The following MAGI3 variants were observed in gnomAD, a reference collection of about 807,000 sequenced individuals.
MAGI3 encodes the protein membrane-associated guanylate kinase, WW and PDZ domain-containing protein 3.
MAGI3 carries 43 observed loss-of-function variants against 121.8 expected under a neutral mutation model. The observed-to-expected ratio is 0.35, with a 90% CI of 0.28 to 0.46. MAGI3 has a LOEUF of 0.46. MAGI3 is among the 20% of genes least tolerant of loss of function. The pLI is 1.00. For missense variants in MAGI3, 1,547 were observed against 1,797.3 expected, an observed-to-expected ratio of 0.86 and a Z score of 2.52; for synonymous variants, 553 against 639.3, an observed-to-expected ratio of 0.86 and a Z score of 2.04.
intron 1 of MAGI3, among the ~76,000 whole-genome samples, chr1:113,496,931 A>G (rs888358342): frequency 1.2e-4 from 19 of 152,130 alleles, no homozygotes; most frequent in Admixed American, 1.2e-3. Flanking sequence ...CCTGACTTGC[A>G]TATTATATTA....
chr1:113,424,822 A>G (rs1399070925), intron 1 of MAGI3, among the ~76,000 whole-genome samples: 1 of 152,134 alleles, frequency 6.6e-6, no homozygotes, highest in Non-Finnish European at 1.5e-5. Context: ...TCTATTTTCT[A>G]GAAGAGATTA....
At chr1:113,623,220 A>G (rs1650951253) in intron 9 of MAGI3, among the ~76,000 whole-genome samples, 1 of 152,026 alleles carries the variant, frequency 6.6e-6, no homozygotes, top group South Asian at 2.1e-4. Context: ...TGATACAGGC[A>G]TGCAATAAGT....
intron 2 of MAGI3, among the ~76,000 whole-genome samples, chr1:113,575,649 C>T (rs904339261): frequency 2.6e-5 from 4 of 152,188 alleles, no homozygotes; most frequent in South Asian, 2.1e-4. Context: ...AGGTGTCTCC[C>T]GGTCAGAAGG....
chr1:113,416,212 A>G (rs1308387374), intron 1 of MAGI3, among the ~76,000 whole-genome samples: 2 of 75,622 alleles, frequency 2.6e-5, no homozygotes, highest in Non-Finnish European at 5.0e-5. Context: ...GACACATATT[A>G]TTATGTGTAA....
chr1:113,541,196 A>T (rs1410189119), intron 1 of MAGI3, among the ~76,000 whole-genome samples: 3 of 152,176 alleles, frequency 2.0e-5, no homozygotes, highest in Admixed American at 2.0e-4. Context: ...GATATGTAGG[A>T]CCCAGGGCAA....
chr1:113,445,326 G>A (rs1269517523), intron 1 of MAGI3, among the ~76,000 whole-genome samples: 11 of 152,182 alleles, frequency 7.2e-5, no homozygotes, highest in Admixed American at 7.2e-4. Context: ...TGACAGCCAG[G>A]TGTGGTGGTT....
rs760802808 is a variant in MAGI3 at position 113,549,563 on chromosome 1, A to G, written c.365A>G (p.Gln122Arg). ...CGGCATTACCTAAGTCTTCAGTTTC[A>G]AAAAGGATCAATTGACCACAAACTG... ...DLRHYLSLQF[Q>R]KGSIDHKLQQ... Residue 122 changes from glutamine to arginine, a missense_variant, in exon 2 of 21, where the codon CAA becomes CGA. Transcript: ENST00000307546. The G allele has an allele frequency of 4.3e-6, 7 of 1,610,720 alleles. No individual in the cohort carries two copies. The highest frequency in any genetic ancestry group is 1.1e-5 in the South Asian group (1 of 90,286).
At chr1:113,641,072 A>C (rs1427932145) in intron 9 of MAGI3, among the ~76,000 whole-genome samples, 1 of 95,290 alleles carries the variant, frequency 1.0e-5, no homozygotes, top group Non-Finnish European at 2.2e-5. Context: ...TGATATATAT[A>C]ATATATATGA....
rs1557792531 is a variant in MAGI3 at position 113,506,588 on chromosome 1, A to ACT, written c.317-42927_317-42926insCT. 3.3e-5 allele frequency among the ~76,000 whole-genome samples: 5 copies of ACT among 152,214 alleles called. No homozygotes were observed. The South Asian group carries it at 1.0e-3, about 32-fold the overall frequency. ...AAGTATTGGTTTAAGTGCTTTTGCTATATTAAATCCTTTTATCCTCAAACA... is the reference window on the plus strand; with the variant it reads ...AAGTATTGGTTTAAGTGCTTTTGCTACTTATTAAATCCTTTTATCCTCAAACA... On this transcript the variant is annotated intron_variant, in intron 1 of 20. Coordinates refer to ENST00000307546, the MANE Select transcript of MAGI3 (RefSeq NM_001142782.2).
intron 1 of MAGI3, among the ~76,000 whole-genome samples, chr1:113,454,221 G>T (rs1346910041): frequency 1.3e-5 from 2 of 152,112 alleles, no homozygotes; most frequent in East Asian, 1.9e-4. Context: ...TGCATATTTT[G>T]CTTGTTTTAA....
intron 14 of MAGI3, among the ~76,000 whole-genome samples, chr1:113,652,874 G>A (rs915368170): frequency 1.3e-5 from 2 of 152,294 alleles, no homozygotes; most frequent in Non-Finnish European, 2.9e-5. Flanking sequence ...AGAAAAAGGT[G>A]TAGGTTAATT....
chr1:113,655,136 T>C (rs1262331557), intron 15 of MAGI3, among the ~76,000 whole-genome samples: 2 of 152,206 alleles, frequency 1.3e-5, no homozygotes, highest in Non-Finnish European at 2.9e-5. Context: ...GATGATAATA[T>C]GGCGTGTGTC....
chr1:113,444,120 G>A (rs1375767212), intron 1 of MAGI3, among the ~76,000 whole-genome samples: 1 of 152,250 alleles, frequency 6.6e-6, no homozygotes, highest in Non-Finnish European at 1.5e-5. Flanking sequence ...CTCTTCGCAT[G>A]GTAGCAGCTA....
chr1:113,635,411 A>C (rs1207026386), intron 9 of MAGI3, among the ~76,000 whole-genome samples: 2 of 152,136 alleles, frequency 1.3e-5, no homozygotes, highest in Non-Finnish European at 2.9e-5. Context: ...TCAATACCTA[A>C]TTTATTGAGA....
intron 1 of MAGI3, among the ~76,000 whole-genome samples, chr1:113,536,457 C>T (rs1659004823): frequency 6.6e-6 from 1 of 152,048 alleles, no homozygotes; most frequent in South Asian, 2.1e-4. Flanking sequence ...AATTTTTCCC[C>T]CTACTTTTTC....
intron 12 of MAGI3, 145 bp from the exon 13 acceptor site, chr1:113,649,092 C>T (rs1015966342): frequency 3.6e-6 from 2 of 561,426 alleles, no homozygotes; most frequent in Non-Finnish European, 3.1e-6. Flanking sequence ...GTGTGTTACA[C>T]TCTTGTGCAA....
chr1:113,615,275 T>C, intron 7 of MAGI3, among the ~76,000 whole-genome samples: 1 of 152,192 alleles, frequency 6.6e-6, no homozygotes, highest in East Asian at 1.9e-4. Flanking sequence ...CCTTCTCTTT[T>C]CTTTATCTAA....
chr1:113,477,122 T>C (rs1655868119), intron 1 of MAGI3, among the ~76,000 whole-genome samples: 1 of 152,130 alleles, frequency 6.6e-6, no homozygotes, highest in African/African-American at 2.4e-5. Context: ...GTGTGCATCT[T>C]TGCACATGAG....
chr1:113,651,251 A>C, intron 14 of MAGI3, 45 bp downstream of exon 14: 1 of 1,531,812 alleles, frequency 6.5e-7, no homozygotes. Context: ...AAAGAAACAA[A>C]GATACTAGTC....
Sources: gnomAD v4.1 joint callset for allele counts (sites outside exome capture counted in the v4.1 genomes callset) on GRCh38, gnomAD v4.1.1 for gene constraint, MANE v1.5 for transcripts, NCBI Gene and HGNC (gene_info 2026-07-23, HGNC 2026-07-21) for gene names.